The following PDE4D variants were observed in gnomAD, a reference collection of about 807,000 sequenced individuals.
The protein encoded by PDE4D is phosphodiesterase 4D.
A neutral mutation model predicts 87.4 loss-of-function variants in PDE4D; 24 were observed. That is an observed-to-expected ratio of 0.27 (90% CI 0.20 to 0.39). PDE4D has a LOEUF of 0.39. Ranked by LOEUF, PDE4D falls within the 10% of genes least tolerant of loss-of-function variation. The pLI is 1.00. For synonymous variants in PDE4D, 384 were observed against 383.2 expected (o/e 1.00, Z -0.02); for missense variants, 714 against 1,041.0 (o/e 0.69, Z 4.32).
intron 1 of PDE4D, among the ~76,000 whole-genome samples, chr5:59,250,306 G>A (rs1277404818): frequency 7.4e-6 from 1 of 134,636 alleles, no homozygotes; most frequent in Non-Finnish European, 1.6e-5. Flanking sequence ...GGGAGACACT[G>A]TCTCTACAAA....
intron 5 of PDE4D, among the ~76,000 whole-genome samples, chr5:59,129,750 T>C (rs542635297): frequency 6.6e-6 from 1 of 152,262 alleles, no homozygotes; most frequent in Non-Finnish European, 1.5e-5. Flanking sequence ...GGTGAGGAGA[T>C]GGGGCAGATG....
At chr5:59,981,578 G>T (rs1761937882) in intron 3 of PDE4D, among the ~76,000 whole-genome samples, 1 of 152,138 alleles carries the variant, frequency 6.6e-6, no homozygotes, top group Non-Finnish European at 1.5e-5. Context: ...TCATGATTAT[G>T]TGTTTTATTT....
intron 1 of PDE4D, among the ~76,000 whole-genome samples, chr5:60,411,386 T>C (rs1252481850): frequency 6.6e-6 from 1 of 152,182 alleles, no homozygotes; most frequent in Non-Finnish European, 1.5e-5. Flanking sequence ...TATCCTGGCC[T>C]TTCACGTGTA....
chr5:59,836,674 T>TATC (rs1554095561), intron 1 of PDE4D, among the ~76,000 whole-genome samples: 1 of 137,710 alleles, frequency 7.3e-6, no homozygotes, highest in African/African-American at 3.4e-5. Flanking sequence ...TCTACCTATC[T>TATC]ATCTATCTAC....
intron 1 of PDE4D, among the ~76,000 whole-genome samples, chr5:59,790,826 C>T (rs1765702315): frequency 1.3e-5 from 2 of 152,156 alleles, no homozygotes; most frequent in Admixed American, 6.5e-5. Flanking sequence ...TCACGAAAAA[C>T]TTCCTGTCTA....
chr5:59,516,536 A>G (rs1811183158), intron 1 of PDE4D, among the ~76,000 whole-genome samples: 1 of 152,172 alleles, frequency 6.6e-6, no homozygotes, highest in South Asian at 2.1e-4. Context: ...AGCTACTTCT[A>G]ATTTTTTCAT....
At chr5:60,141,504 A>G (rs1780533107) in intron 2 of PDE4D, among the ~76,000 whole-genome samples, 1 of 152,206 alleles carries the variant, frequency 6.6e-6, no homozygotes, top group African/African-American at 2.4e-5. Context: ...GACTTGTTCC[A>G]ATCCTTAGGT....
chr5:59,048,102 G>A (rs1335946902), intron 5 of PDE4D, among the ~76,000 whole-genome samples: 1 of 152,178 alleles, frequency 6.6e-6, no homozygotes, highest in Non-Finnish European at 1.5e-5. Flanking sequence ...TTTGCGCTAA[G>A]ATAATTTTCA....
chr5:60,341,120 A>C (rs996437759), intron 1 of PDE4D, among the ~76,000 whole-genome samples: 1 of 148,332 alleles, frequency 6.7e-6, no homozygotes, highest in Non-Finnish European at 1.5e-5. Flanking sequence ...GTTCTGAATG[A>C]AAAATGTTTG....
chr5:59,636,340 C>T (rs887505967), intron 1 of PDE4D, among the ~76,000 whole-genome samples: 2 of 152,176 alleles, frequency 1.3e-5, no homozygotes, highest in Non-Finnish European at 1.5e-5. Flanking sequence ...CTATTCCCAT[C>T]AAGCTACCAT....
At chr5:59,216,036 T>A in intron 1 of PDE4D, 68 bp from the exon 2 acceptor site, 1 of 1,158,998 alleles carries the variant, frequency 8.6e-7, no homozygotes, top group Non-Finnish European at 1.2e-6. Flanking sequence ...AAAAAGCATT[T>A]AGCGTCAGCT....
chr5:59,884,331 A>G (rs904637822), intron 1 of PDE4D, among the ~76,000 whole-genome samples: 1 of 151,910 alleles, frequency 6.6e-6, no homozygotes, highest in South Asian at 2.1e-4. Flanking sequence ...ACACCTACAT[A>G]CATAACTATA....
At chr5:59,039,101 C>A (rs1204294741) in intron 5 of PDE4D, 130 bp from the exon 6 acceptor site, 1 of 1,435,598 alleles carries the variant, frequency 7.0e-7, no homozygotes, top group South Asian at 1.5e-5. Flanking sequence ...GAGGGCTGCT[C>A]CTTCATATTG....
chr5:59,720,372 G>C (rs868823322), intron 1 of PDE4D, among the ~76,000 whole-genome samples: 1 of 152,048 alleles, frequency 6.6e-6, no homozygotes, highest in Non-Finnish European at 1.5e-5. Flanking sequence ...TTGAACTCCT[G>C]GACTCAAGTG....
At chr5:59,857,561 T>G (rs777395470) in intron 1 of PDE4D, among the ~76,000 whole-genome samples, 2 of 125,902 alleles carry the variant, frequency 1.6e-5, no homozygotes, top group Non-Finnish European at 3.0e-5. Flanking sequence ...ATTTCCCTGA[T>G]GAGCAAGTTA....
rs371049412 is a variant in PDE4D at position 60,215,037 on chromosome 5, G to C, written c.-89-29350C>G. Among the ~76,000 whole-genome samples, 12 of 152,152 alleles carry C rather than the reference G, an allele frequency of 7.9e-5. No individual in the cohort carries two copies. In the South Asian group the frequency reaches 1.9e-3, roughly 24 times the overall value. On this transcript the variant is annotated intron_variant, in intron 1 of 16. Coordinates refer to the PDE4D transcript ENST00000502484. ...CAACGTTGCTACCAAAAAAATTCTT[G>C]CTCCCAGATTTTAATTTATGAGGTA...
chr5:59,762,268 GTGTATAT>G (rs1357156549), intron 1 of PDE4D, among the ~76,000 whole-genome samples: 2 of 43,336 alleles, frequency 4.6e-5, no homozygotes, highest in African/African-American at 1.6e-4. Context: ...ATGCGTATAT[GTGTATAT>G]GGGTACACAT....
chr5:59,187,158 T>C (rs907118947), intron 3 of PDE4D, among the ~76,000 whole-genome samples: 7 of 152,136 alleles, frequency 4.6e-5, no homozygotes, highest in Admixed American at 2.6e-4. Flanking sequence ...CTATGATCAT[T>C]TGAAGGGAAA....
At chr5:60,290,732 G>A (rs1311605610) in intron 1 of PDE4D, among the ~76,000 whole-genome samples, 2 of 152,150 alleles carry the variant, frequency 1.3e-5, no homozygotes, top group African/African-American at 4.8e-5. Context: ...CTGAGCTTGG[G>A]GAAATGGAGG....
Sources: gnomAD v4.1 joint callset for allele counts (sites outside exome capture counted in the v4.1 genomes callset) on GRCh38, gnomAD v4.1.1 for gene constraint, MANE v1.5 for transcripts, NCBI Gene and HGNC (gene_info 2026-07-23, HGNC 2026-07-21) for gene names.